The following FCAR variants were observed in gnomAD, a reference collection of about 807,000 sequenced individuals.
FCAR encodes immunoglobulin alpha Fc receptor.
In FCAR, 21 loss-of-function variants were observed where a neutral mutation model predicts 27.1. The ratio of observed to expected loss-of-function variants is 0.77; its 90% CI spans 0.55 to 1.11. The LOEUF (loss-of-function observed/expected upper bound fraction) is 1.11, where lower values mean the gene tolerates loss of function less well. Among genes scored for constraint, FCAR ranks in the 50% most tolerant of loss-of-function variants. The probability of loss-of-function intolerance (pLI) is 0.00; values close to 1 mark genes in which losing one functional copy is unlikely to be tolerated. For missense variants in FCAR, 404 were observed against 358.4 expected, an observed-to-expected ratio of 1.13 and a Z score of -1.03; for synonymous variants, 134 against 135.8, an observed-to-expected ratio of 0.99 and a Z score of 0.09.
In FCAR at chr19:54,874,246, G is replaced by A. The variant is rs755612414; in HGVS notation, c.-44G>A. 2 of 1,609,608 alleles carry A rather than the reference G, an allele frequency of 1.2e-6. No homozygotes were observed. Among genetic ancestry groups the A allele is most frequent in the Middle Eastern group, 1.7e-4 (1 of 5,924 alleles). On this transcript the variant is annotated 5_prime_UTR_variant, in exon 1 of 5. The change creates a new upstream start codon in the 5' untranslated region. Transcript: ENST00000355524. ...TAAGAATATCTGTCATCCTGCTAAT[G>A]TGCATTGAAAGGAGAGCAACGGGGC...
rs369103113 is a variant in FCAR at position 54,883,300 on chromosome 19, G to A, written c.71-1935G>A. Among the ~76,000 whole-genome samples, 6 of 151,664 alleles carry A rather than the reference G, an allele frequency of 4.0e-5. No homozygotes were observed. The East Asian group carries it at 5.8e-4, about 15-fold the overall frequency. On this transcript the variant is annotated intron_variant, in intron 2 of 4. Coordinates refer to ENST00000355524, the MANE Select transcript of FCAR (RefSeq NM_002000.4). Reference sequence around the variant, plus strand: ...CTAACTCTTGTATTTTGACAAAGTCGGCAGTAGTGCTCTGTGGTTGTGAGG... The same window carrying A: ...CTAACTCTTGTATTTTGACAAAGTCAGCAGTAGTGCTCTGTGGTTGTGAGG...
rs2145959688 is a variant in FCAR, at chr19:54,890,557, A to T, written c.*694A>T. ...ATTCTCCTGCCTCGGCCTCCCAAGT[A>T]GCTGGGATTGCAGGCTCCCACCATC... On this transcript the variant is annotated 3_prime_UTR_variant, in exon 5 of 5. Transcript: ENST00000355524. 1 of 151,550 alleles carries T rather than the reference A, an allele frequency of 6.6e-6. No homozygotes were observed. Among genetic ancestry groups the T allele is most frequent in the Admixed American group, 6.6e-5 (1 of 15,210 alleles). 9.4% of individuals were successfully genotyped at this position (151,550 alleles called of 1,614,324 possible).
At position 54,875,343 on chromosome 19, in the gene FCAR, C is replaced by T; in HGVS notation, c.48C>T (p.Gly16=). The part of the protein sequence containing the change: ...TTLLCLVLCL[G]QRIQAQEGDF... ...TCTCTCTTCCAGTGCTCTGTCTGGG[C>T]CAGAGGATTCAGGCACAGGAAGGTA... is the stretch of plus-strand genomic sequence containing the variant. The change falls in exon 2 of 5, where the codon GGC becomes GGT. Residue 16 remains glycine (G), a synonymous_variant. Transcript: ENST00000355524. 6.2e-7 allele frequency: 1 copy of T among 1,613,692 alleles called. No individual in the cohort carries two copies. Among genetic ancestry groups the T allele is most frequent in the South Asian group, 1.1e-5 (1 of 90,992 alleles).
rs1248038614 is a variant in FCAR, at chr19:54,888,149, G to C, written c.504G>C (p.Gln168His). The change falls in exon 4 of 5, where the codon CAG (glutamine) becomes CAC (histidine). Residue 168 changes from glutamine to histidine, a missense_variant. Gln to His is a conservative substitution (Grantham distance 24). Transcript: ENST00000355524. ...AGGAGGGAGAACTTTCTCTGCCACA[G>C]CACCAAAGTGGGGAACACCCGGCCA... ...LAKEGELSLP[Q>H]HQSGEHPANF... The C allele has an allele frequency of 6.2e-7, 1 of 1,614,168 alleles. No individual in the cohort carries two copies. The highest frequency in any genetic ancestry group is 8.5e-7 in the Non-Finnish European group (1 of 1,180,012).
chr19:54,882,097 A>T (rs1344207953), intron 2 of FCAR, among the ~76,000 whole-genome samples: 1 of 152,170 alleles, frequency 6.6e-6, no homozygotes, highest in Non-Finnish European at 1.5e-5. Flanking sequence ...AGGGCGGGGC[A>T]GCTGCTCTGC....
intron 2 of FCAR, among the ~76,000 whole-genome samples, chr19:54,883,749 CTG>C (rs745574920): frequency 1.3e-4 from 19 of 151,950 alleles, no homozygotes. Context: ...AGTCAGGAGA[CTG>C]AGACCATCCT....
rs112868853 is a variant in FCAR, at chr19:54,882,738, C to A, written c.71-2497C>A. ...ACAGGTGTGAGCCACCGCGCCCGGC[C>A]TTGGTGTTGATTCTTTCTCTTGTGT... is the stretch of plus-strand genomic sequence containing the variant. On this transcript the variant is annotated intron_variant, in intron 2 of 4. Transcript: ENST00000355524. Among the ~76,000 whole-genome samples, 4 of 152,192 alleles carry A rather than the reference C, an allele frequency of 2.6e-5. No individual in the cohort carries two copies. The East Asian group carries it at 7.7e-4, about 29-fold the overall frequency.
rs587674126 is a variant in FCAR, at chr19:54,878,077, G to A, written c.70+2712G>A. ...ACTACAGGTGCCCGCCACCCCGCCC[G>A]GCTAATTTTTTTTGTATTTTTAGTA... On this transcript the variant is annotated intron_variant, in intron 2 of 4. Transcript: ENST00000355524. Among the ~76,000 whole-genome samples the A allele has an allele frequency of 1.8e-3, 271 of 152,074 alleles. 1 individual carries two copies. Among genetic ancestry groups the A allele is most frequent in the African/African-American group, 6.1e-3 (254 of 41,480 alleles).
rs1396075658 is a variant in FCAR at position 54,890,104 on chromosome 19, C to T, written c.*241C>T. On this transcript the variant is annotated 3_prime_UTR_variant, in exon 5 of 5. Transcript: ENST00000355524. ...AAGTAGCTGGAATTACAGGCACATA[C>T]CACTGCACCCAGCTAATTTTTGTAT... The T allele has an allele frequency of 1.8e-6, 1 of 555,692 alleles. No individual in the cohort carries two copies. Among genetic ancestry groups the T allele is most frequent in the African/African-American group, 1.9e-5 (1 of 52,884 alleles). 34.4% of individuals were successfully genotyped at this position (555,692 alleles called of 1,614,324 possible).
intron 2 of FCAR, among the ~76,000 whole-genome samples, chr19:54,884,251 C>T (rs1035587464): frequency 6.6e-6 from 1 of 152,230 alleles, no homozygotes; most frequent in Non-Finnish European, 1.5e-5. Context: ...TGCCCGTGGC[C>T]TCTGCGGGGG....
chr19:54,875,549 T>A (rs900304544), intron 2 of FCAR, among the ~76,000 whole-genome samples, 184 bp downstream of exon 2: 1 of 152,232 alleles, frequency 6.6e-6, no homozygotes, highest in African/African-American at 2.4e-5. Context: ...GACTCATTAA[T>A]GCTCAGGCCT....
intron 2 of FCAR, among the ~76,000 whole-genome samples, chr19:54,883,626 G>A (rs866485089): frequency 6.6e-6 from 1 of 152,158 alleles, no homozygotes; most frequent in African/African-American, 2.4e-5. Flanking sequence ...AGGGTGATTG[G>A]AGCCACATGA....
chr19:54,878,228 G>A (rs2066209728), intron 2 of FCAR, among the ~76,000 whole-genome samples: 1 of 152,106 alleles, frequency 6.6e-6, no homozygotes, highest in Non-Finnish European at 1.5e-5. Flanking sequence ...GCTAAGGATT[G>A]CTGTATGTCT....
Position 54,874,298 on chromosome 19 carries a change from C to CA in FCAR, c.12dup (p.Gln5ThrfsTer50). ...GAGGCCGTGTCAGCACGATGGACCC[C>CA]AAACAGACCACCCTCCTGTGTCTTG... On this transcript the variant is annotated frameshift_variant, in exon 1 of 5. Coordinates refer to ENST00000355524, the MANE Select transcript of FCAR (RefSeq NM_002000.4). LOFTEE classifies it high-confidence loss of function. The CA allele has an allele frequency of 6.2e-7, 1 of 1,614,114 alleles. No individual in the cohort carries two copies. The highest frequency in any genetic ancestry group is 8.5e-7 in the Non-Finnish European group (1 of 1,179,990).
At chr19:54,887,427 C>G (rs1193418722) in intron 3 of FCAR, among the ~76,000 whole-genome samples, 7 of 151,918 alleles carry the variant, frequency 4.6e-5, no homozygotes, top group Non-Finnish European at 1.0e-4. Flanking sequence ...TCAAGACCAG[C>G]CTGACCAACA....
At position 54,885,364 on chromosome 19, in the gene FCAR, C is replaced by T. The variant is rs1227385567; in HGVS notation, c.200C>T (p.Thr67Met). Reference sequence around the variant, plus strand: ...CAGCTGATGATCATAAAAAACTCCACGTACCGAGAGATAGGCAGAAGACTG... The same window carrying T: ...CAGCTGATGATCATAAAAAACTCCATGTACCGAGAGATAGGCAGAAGACTG... ...LTQLMIIKNS[T>M]YREIGRRLKF... is the part of the protein sequence containing the mutation. Residue 67 changes from threonine (T) to methionine (M), a missense_variant, in exon 3 of 5, where the codon ACG becomes ATG. Physicochemically the swap from Thr to Met is moderately conservative, Grantham distance 81. Transcript: ENST00000355524. 1.2e-6 allele frequency: 2 copies of T among 1,613,960 alleles called. No individual in the cohort carries two copies. Among genetic ancestry groups the T allele is most frequent in the Non-Finnish European group, 1.7e-6 (2 of 1,180,026 alleles).
chr19:54,876,523 G>A (rs2066097679), intron 2 of FCAR, among the ~76,000 whole-genome samples: 1 of 152,108 alleles, frequency 6.6e-6, no homozygotes, highest in African/African-American at 2.4e-5. Context: ...GTTTGTCGAG[G>A]TTTTTTAGCA....
In FCAR at chr19:54,885,243, C is replaced by A; in HGVS notation, c.79C>A (p.Pro27Thr). Reference protein sequence around the residue: ...QRIQAQEGDFPMPFISAKSSP... With the variant: ...QRIQAQEGDFTMPFISAKSSP... ...GCTTTCTTTTCTTCCAGGGGACTTT[C>A]CCATGCCTTTCATATCTGCCAAATC... Residue 27 changes from proline (P) to threonine (T), a missense_variant, in exon 3 of 5, where the codon CCC becomes ACC. By Grantham distance (38) the Pro-to-Thr change is conservative. Transcript: ENST00000355524. The A allele has an allele frequency of 6.2e-7, 1 of 1,612,844 alleles. No individual in the cohort carries two copies. Among genetic ancestry groups the A allele is most frequent in the Non-Finnish European group, 8.5e-7 (1 of 1,179,030 alleles).
At chr19:54,889,363 C>A (rs12976517) in intron 4 of FCAR, among the ~76,000 whole-genome samples, 15,896 of 113,674 alleles carry the variant, frequency 0.14, 1,152 homozygotes, top group African/African-American at 0.24. Context: ...CAGAGTGAGA[C>A]TCCATCTCAA....
Sources: allele counts gnomAD v4.1 joint callset (sites outside exome capture counted in the v4.1 genomes callset), GRCh38; gene constraint gnomAD v4.1.1; transcripts MANE v1.5; gene names NCBI Gene and HGNC (gene_info 2026-07-23, HGNC 2026-07-21).